Variants in TXNL4A observed in about 807,000 individuals in gnomAD.
TXNL4A encodes thioredoxin like 4A.
TXNL4A carries 17 observed loss-of-function variants against 14.6 expected under a neutral mutation model. The ratio of observed to expected loss-of-function variants is 1.16; its 90% CI spans 0.80 to 1.74. The LOEUF (loss-of-function observed/expected upper bound fraction) is 1.74. Ranked by LOEUF, TXNL4A falls within the 40% of genes most tolerant of loss-of-function variation. The pLI, the probability that TXNL4A is intolerant of heterozygous loss-of-function variation, is 0.00. For synonymous variants in TXNL4A, 83 were observed against 70.6 expected, an observed-to-expected ratio of 1.18 and a Z score of -0.88; for missense variants, 74 against 195.2, an observed-to-expected ratio of 0.38 and a Z score of 3.70.
intron 1 of TXNL4A, among the ~76,000 whole-genome samples, chr18:79,999,247 T>C (rs1470810615): frequency 2.0e-5 from 3 of 152,076 alleles, no homozygotes; most frequent in Admixed American, 2.0e-4. Context: ...TGTTAGAAGC[T>C]ATTCTAGGCC....
chr18:80,018,236 C>A (rs902397266), intron 1 of TXNL4A, among the ~76,000 whole-genome samples: 1 of 152,194 alleles, frequency 6.6e-6, no homozygotes, highest in Non-Finnish European at 1.5e-5. Context: ...TGAATGACTA[C>A]TGGGTACATA....
At chr18:79,983,853 A>G (rs1472412746) in intron 1 of TXNL4A, among the ~76,000 whole-genome samples, 3 of 152,190 alleles carry the variant, frequency 2.0e-5, no homozygotes, top group Non-Finnish European at 4.4e-5. Context: ...TGCCCTTTTT[A>G]CAGGTAAGAT....
At position 79,988,466 on chromosome 18, in the gene TXNL4A, C is replaced by T; in HGVS notation, c.-74G>A. On this transcript the variant is annotated 5_prime_UTR_variant, in exon 1 of 3. Coordinates refer to ENST00000269601, the MANE Select transcript of TXNL4A (RefSeq NM_006701.5). ...CCAGCGAGGTGGGCTCAGCCGGCCC[C>T]TCACTCCCCGGCCCCCGCCGCCCCC... 7.9e-7 allele frequency: 1 copy of T among 1,265,592 alleles called. No homozygotes were observed. The highest frequency in any genetic ancestry group is 1.0e-6 in the Non-Finnish European group (1 of 1,000,984). 78.4% of individuals were successfully genotyped at this position (1,265,592 alleles called of 1,614,324 possible).
At chr18:80,002,208 A>C (rs2051702622) in intron 1 of TXNL4A, among the ~76,000 whole-genome samples, 1 of 152,168 alleles carries the variant, frequency 6.6e-6, no homozygotes, top group East Asian at 1.9e-4. Flanking sequence ...AAGCCTCACA[A>C]AACATGCAAA....
At chr18:79,997,267 T>C (rs569306121) in intron 1 of TXNL4A, among the ~76,000 whole-genome samples, 1 of 151,784 alleles carries the variant, frequency 6.6e-6, no homozygotes, top group South Asian at 2.1e-4. Context: ...TCAAACAGTA[T>C]CCTCTCTGAC....
chr18:79,988,219 C>A, intron 1 of TXNL4A, 21 bp downstream of exon 1: 1 of 1,498,186 alleles, frequency 6.7e-7, no homozygotes, highest in Non-Finnish European at 9.1e-7. Flanking sequence ...GCCCGCAGAG[C>A]GGGAGAGTCC....
At chr18:80,027,943 C>A (rs1335260225) in intron 1 of TXNL4A, among the ~76,000 whole-genome samples, 1 of 152,070 alleles carries the variant, frequency 6.6e-6, no homozygotes, top group Non-Finnish European at 1.5e-5. Context: ...AACTGGATAC[C>A]AAATTCTTCT....
intron 1 of TXNL4A, among the ~76,000 whole-genome samples, chr18:79,998,280 G>A (rs1244580866): frequency 2.0e-5 from 3 of 150,964 alleles, no homozygotes; most frequent in Non-Finnish European, 4.4e-5. Context: ...ACGACAGAGC[G>A]AGACTCCGTC....
At position 79,977,621 on chromosome 18, in the gene TXNL4A, T is replaced by C. The variant is rs148835299; in HGVS notation, c.234A>G (p.Pro78=). The change falls in exon 2 of 3, where the codon CCA becomes CCG. Residue 78 remains proline (P), a synonymous_variant. Coordinates refer to ENST00000269601, the MANE Select transcript of TXNL4A (RefSeq NM_006701.5). ...ACCTGAAGAAAAACATGACAGTACA[T>C]GGATCGTATAACTCATACATTTTGT... The part of the protein sequence containing the change: ...DFNKMYELYD[P]CTVMFFFRNK... The C allele has an allele frequency of 1.4e-4, 231 of 1,610,492 alleles. No homozygotes were observed. The highest frequency in any genetic ancestry group is 1.1e-4 in the Non-Finnish European group (133 of 1,178,832).
intron 1 of TXNL4A, among the ~76,000 whole-genome samples, chr18:80,032,165 A>G (rs749022323): frequency 6.6e-6 from 1 of 150,802 alleles, no homozygotes; most frequent in African/African-American, 2.4e-5. Context: ...CCTATTTTTT[A>G]TCTTCGTGGG....
At chr18:80,022,546 A>G (rs1300521455) in intron 1 of TXNL4A, among the ~76,000 whole-genome samples, 2 of 152,212 alleles carry the variant, frequency 1.3e-5, no homozygotes, top group Non-Finnish European at 2.9e-5. Context: ...CAAGATGGTA[A>G]TAAGGCCACG....
intron 1 of TXNL4A, among the ~76,000 whole-genome samples, chr18:80,006,573 TAA>T (rs961754074): frequency 3.9e-5 from 6 of 152,172 alleles, no homozygotes; most frequent in Admixed American, 1.3e-4. Context: ...TATTTACTTA[TAA>T]AAGTTGAAAG....
At chr18:79,996,238 C>T (rs1334156082) in intron 1 of TXNL4A, among the ~76,000 whole-genome samples, 1 of 151,950 alleles carries the variant, frequency 6.6e-6, no homozygotes, top group African/African-American at 2.4e-5. Context: ...TTTCACTGCT[C>T]CAAATATTCT....
chr18:79,984,560 G>A (rs2051514548), intron 1 of TXNL4A, among the ~76,000 whole-genome samples: 1 of 152,152 alleles, frequency 6.6e-6, no homozygotes. Flanking sequence ...GAAGACTCTT[G>A]TCTCAAACAA....
intron 1 of TXNL4A, among the ~76,000 whole-genome samples, chr18:80,000,828 A>G (rs1017390086): frequency 6.6e-5 from 10 of 151,948 alleles, no homozygotes; most frequent in Admixed American, 5.2e-4. Context: ...TAATTTTTGT[A>G]TTTTTAGTAG....
At chr18:80,016,435 C>A (rs1329467876) in intron 1 of TXNL4A, among the ~76,000 whole-genome samples, 458 of 151,450 alleles carry the variant, frequency 3.0e-3, no homozygotes, top group African/African-American at 0.011. Context: ...GAAGTCCTTG[C>A]CCATGCCTAT....
chr18:80,024,639 G>A (rs1047629500), intron 1 of TXNL4A, among the ~76,000 whole-genome samples: 4 of 152,198 alleles, frequency 2.6e-5, no homozygotes, highest in East Asian at 1.9e-4. Context: ...AATCACCTGA[G>A]GGTGTCTGGG....
At chr18:79,976,932 T>C (rs930880163) in intron 2 of TXNL4A, 4 of 360,144 alleles carry the variant, frequency 1.1e-5, no homozygotes, top group Non-Finnish European at 2.2e-5. Context: ...GACACCGAAG[T>C]TGATGATAAC....
rs560885858 is a variant in TXNL4A, at chr18:80,011,957, A to G, written c.-61+21894T>C. ...ACTAACGAGTTCTCCTTCACTGATT[A>G]ATCCTTTTCCTCATCCCTTCCTCCC... is the stretch of plus-strand genomic sequence containing the variant. On this transcript the variant is annotated intron_variant, in intron 1 of 2. Coordinates refer to the TXNL4A transcript ENST00000585474. This position sits in a 1 kb window ranked among gnomAD's most constrained non-coding sequence, Gnocchi z 4.1. Among the ~76,000 whole-genome samples the G allele has an allele frequency of 1.8e-4, 28 of 152,206 alleles. 1 individual carries two copies. In the South Asian group the frequency reaches 5.8e-3, roughly 32 times the overall value.
Sources: gnomAD v4.1 joint callset for allele counts (sites outside exome capture counted in the v4.1 genomes callset) on GRCh38, gnomAD v4.1.1 for gene constraint, Gnocchi (gnomAD v3.1) non-coding constraint, MANE v1.5 for transcripts, NCBI Gene and HGNC (gene_info 2026-07-23, HGNC 2026-07-21) for gene names.